Variants in FBXW7 observed in about 807,000 individuals in gnomAD.
FBXW7 encodes the protein F-box and WD repeat domain containing 7, also known as F-box/WD repeat-containing protein 7.
In FBXW7, 11 loss-of-function variants were observed where a neutral mutation model predicts 86.3. The ratio of observed to expected loss-of-function variants is 0.13; its 90% CI spans 0.08 to 0.21. The LOEUF (loss-of-function observed/expected upper bound fraction) is 0.21, where lower values mean the gene tolerates loss of function less well. FBXW7 is among the 10% of genes least tolerant of loss of function. The pLI is 1.00. For synonymous variants in FBXW7, 313 were observed against 297.9 expected (o/e 1.05, Z -0.52); for missense variants, 488 against 847.4 (o/e 0.58, Z 5.27).
chr4:152,385,043 T>C, intron 4 of FBXW7, among the ~76,000 whole-genome samples: 1 of 152,058 alleles, frequency 6.6e-6, no homozygotes, highest in East Asian at 1.9e-4. Flanking sequence ...TTTGCTAAAG[T>C]AGGTCCCATG....
intron 2 of FBXW7, among the ~76,000 whole-genome samples, chr4:152,525,585 G>A (rs1290448632): frequency 3.9e-5 from 6 of 152,120 alleles, no homozygotes; most frequent in South Asian, 2.1e-4. Context: ...AGTGTGCTAC[G>A]GATAATAGCC....
At chr4:152,367,192 G>T (rs559952358) in intron 4 of FBXW7, among the ~76,000 whole-genome samples, 1 of 152,098 alleles carries the variant, frequency 6.6e-6, no homozygotes, top group South Asian at 2.1e-4. Flanking sequence ...AAGTTAATGG[G>T]TACAGCAAAC....
intron 2 of FBXW7, among the ~76,000 whole-genome samples, chr4:152,478,401 T>A (rs183689951): frequency 1.3e-5 from 2 of 152,278 alleles, no homozygotes; most frequent in East Asian, 3.9e-4. Flanking sequence ...TACCAAAATT[T>A]CATTTGTATT....
At chr4:152,428,021 T>G (rs1254615659) in intron 2 of FBXW7, among the ~76,000 whole-genome samples, 1 of 152,128 alleles carries the variant, frequency 6.6e-6, no homozygotes. Flanking sequence ...ATGATTTTCT[T>G]GCCACCTAAA....
chr4:152,326,247 C>G lies in FBXW7; in HGVS notation c.1419-16G>C, dbSNP rs770738515. ...GCTAACAACTCTGCAGAGGGAGAAA[C>G]AGAAAAACAAAACAAAACAAAAAAA... On this transcript the variant is annotated splice_polypyrimidine_tract_variant and intron_variant, in intron 11 of 13. Transcript: ENST00000281708. 7.0e-6 allele frequency: 11 copies of G among 1,575,600 alleles called. No homozygotes were observed. Among genetic ancestry groups the G allele is most frequent in the Non-Finnish European group, 9.5e-6 (11 of 1,157,692 alleles).
At chr4:152,436,408 C>A (rs1740385662) in intron 2 of FBXW7, among the ~76,000 whole-genome samples, 1 of 152,166 alleles carries the variant, frequency 6.6e-6, no homozygotes, top group Non-Finnish European at 1.5e-5. Flanking sequence ...GAGGTTGGTT[C>A]ACGGGCTTAA....
At chr4:152,409,915 T>A (rs1051402758) in intron 4 of FBXW7, among the ~76,000 whole-genome samples, 2 of 152,136 alleles carry the variant, frequency 1.3e-5, no homozygotes, top group African/African-American at 4.8e-5. Context: ...ACAAATTCAG[T>A]ATACTTCGTT....
chr4:152,457,380 C>T (rs1188436105), intron 2 of FBXW7, among the ~76,000 whole-genome samples: 1 of 152,156 alleles, frequency 6.6e-6, no homozygotes, highest in African/African-American at 2.4e-5. Flanking sequence ...CAGTGGCTCA[C>T]GCCTGTAATC....
At chr4:152,328,540 A>G in intron 10 of FBXW7, 151 bp from the exon 11 acceptor site, 1 of 491,432 alleles carries the variant, frequency 2.0e-6, no homozygotes. Context: ...TGATCCCATC[A>G]CTATTTATTG....
intron 4 of FBXW7, among the ~76,000 whole-genome samples, chr4:152,391,826 T>C (rs1001433465): frequency 2.0e-5 from 3 of 152,160 alleles, no homozygotes; most frequent in Admixed American, 2.0e-4. Context: ...AACCCTGGTA[T>C]GTCTAATTCC....
intron 2 of FBXW7, among the ~76,000 whole-genome samples, chr4:152,454,738 C>CA (rs1301658478): frequency 6.6e-6 from 1 of 151,506 alleles, no homozygotes; most frequent in East Asian, 1.9e-4. Context: ...AAAAAACAAA[C>CA]AAAAAAACCT....
At chr4:152,382,056 T>A (rs1267943654) in intron 4 of FBXW7, 2 of 496,066 alleles carry the variant, frequency 4.0e-6, no homozygotes, top group Non-Finnish European at 6.9e-6. Flanking sequence ...TATATAAGTG[T>A]TTACTGGCTA....
intron 6 of FBXW7, among the ~76,000 whole-genome samples, chr4:152,339,573 A>G (rs550071960): frequency 6.6e-6 from 1 of 152,262 alleles, no homozygotes; most frequent in South Asian, 2.1e-4. Flanking sequence ...CTCCATCTAC[A>G]TCATAGACAA....
At chr4:152,398,830 A>G (rs1736660406) in intron 4 of FBXW7, among the ~76,000 whole-genome samples, 1 of 152,134 alleles carries the variant, frequency 6.6e-6, no homozygotes, top group African/African-American at 2.4e-5. Context: ...AAGTAAAAGT[A>G]GACCCACAAG....
chr4:152,430,312 G>T (rs1739771416), intron 2 of FBXW7, among the ~76,000 whole-genome samples: 1 of 152,152 alleles, frequency 6.6e-6, no homozygotes, highest in African/African-American at 2.4e-5. Flanking sequence ...GAAAGTGAGG[G>T]TGTTTTGAAG....
chr4:152,488,318 T>A, intron 2 of FBXW7, among the ~76,000 whole-genome samples: 1 of 152,056 alleles, frequency 6.6e-6, no homozygotes. Flanking sequence ...TAATCTATAA[T>A]CTATTTGTAA....
intron 6 of FBXW7, among the ~76,000 whole-genome samples, chr4:152,342,188 C>G (rs542291185): frequency 3.2e-3 from 493 of 152,134 alleles, no homozygotes; most frequent in Non-Finnish European, 5.0e-3. Context: ...TTGAAAATTC[C>G]CCATGGAAGT....
At chr4:152,409,121 G>C (rs969463373) in intron 4 of FBXW7, among the ~76,000 whole-genome samples, 1 of 152,144 alleles carries the variant, frequency 6.6e-6, no homozygotes, top group Non-Finnish European at 1.5e-5. Flanking sequence ...ATTTGCTTAT[G>C]CAGCATATTT....
chr4:152,371,218 T>C (rs1016635627), intron 4 of FBXW7, among the ~76,000 whole-genome samples: 6 of 151,936 alleles, frequency 3.9e-5, no homozygotes, highest in African/African-American at 1.4e-4. Flanking sequence ...ATAAATTTTA[T>C]CTACCATTAT....
Sources: allele counts gnomAD v4.1 joint callset (sites outside exome capture counted in the v4.1 genomes callset), GRCh38; gene constraint gnomAD v4.1.1; transcripts MANE v1.5; gene names NCBI Gene and HGNC (gene_info 2026-07-23, HGNC 2026-07-21).